Variants in COX7B2 observed in about 807,000 individuals in gnomAD.
COX7B2 encodes cytochrome c oxidase subunit 7B2, mitochondrial.
For missense variants in COX7B2, 109 were observed against 95.9 expected (o/e 1.14, Z -0.57); for synonymous variants, 37 against 32.1 (o/e 1.15, Z -0.51).
In COX7B2 at chr4:46,770,270, T is replaced by C. The variant is rs561749310; in HGVS notation, c.-49-35029A>G. Among the ~76,000 whole-genome samples the C allele has an allele frequency of 2.0e-4, 31 of 152,232 alleles. No homozygotes were observed. The South Asian group carries it at 6.2e-3, about 31-fold the overall frequency. On this transcript the variant is annotated intron_variant, in intron 2 of 2. Coordinates refer to ENST00000355591, the MANE Select transcript of COX7B2 (RefSeq NM_130902.3). Reference sequence around the variant, plus strand: ...ATAGCATCAAAAATAAATAAATACTTAGAAATAAATTTAACCAAGGATGTT... The same window carrying C: ...ATAGCATCAAAAATAAATAAATACTCAGAAATAAATTTAACCAAGGATGTT...
At chr4:46,808,438 T>G (rs1353498914) in intron 2 of COX7B2, among the ~76,000 whole-genome samples, 1 of 151,844 alleles carries the variant, frequency 6.6e-6, no homozygotes, top group Non-Finnish European at 1.5e-5. Context: ...GAATTCTGGT[T>G]TTTTTACATA....
intron 2 of COX7B2, among the ~76,000 whole-genome samples, chr4:46,840,321 C>T (rs1469900834): frequency 6.6e-6 from 1 of 151,912 alleles, no homozygotes; most frequent in African/African-American, 2.4e-5. Flanking sequence ...ATCTTTCATA[C>T]CAACAAGGAG....
At chr4:46,841,210 A>G (rs1715901701) in intron 2 of COX7B2, among the ~76,000 whole-genome samples, 1 of 151,936 alleles carries the variant, frequency 6.6e-6, no homozygotes, top group Non-Finnish European at 1.5e-5. Flanking sequence ...AGGAGTAAAA[A>G]TGGAGAGGTG....
intron 2 of COX7B2, among the ~76,000 whole-genome samples, chr4:46,796,279 G>T (rs531461803): frequency 7.2e-6 from 1 of 139,530 alleles, no homozygotes; most frequent in South Asian, 2.3e-4. Flanking sequence ...GTCTTGTGCC[G>T]GTTTTCAAAG....
chr4:46,849,349 T>C (rs1221187600), intron 1 of COX7B2, among the ~76,000 whole-genome samples: 1 of 152,144 alleles, frequency 6.6e-6, no homozygotes, highest in Non-Finnish European at 1.5e-5. Flanking sequence ...CAGAGAAATA[T>C]AAGATTAGAT....
At chr4:46,856,935 G>T (rs1717040155) in intron 1 of COX7B2, among the ~76,000 whole-genome samples, 1 of 152,064 alleles carries the variant, frequency 6.6e-6, no homozygotes, top group South Asian at 2.1e-4. Flanking sequence ...AAAATAATTG[G>T]GCAATAGAGA....
At chr4:46,849,186 A>C (rs908456213) in intron 1 of COX7B2, among the ~76,000 whole-genome samples, 1 of 152,058 alleles carries the variant, frequency 6.6e-6, no homozygotes, top group African/African-American at 2.4e-5. Flanking sequence ...TGCAAGTGCT[A>C]GTAATACAAC....
intron 1 of COX7B2, among the ~76,000 whole-genome samples, chr4:46,853,646 C>T (rs1281111291): frequency 1.3e-5 from 2 of 151,896 alleles, no homozygotes; most frequent in South Asian, 2.1e-4. Flanking sequence ...ATTTGTAATA[C>T]AATTAGGCTT....
intron 2 of COX7B2, among the ~76,000 whole-genome samples, chr4:46,788,357 T>C (rs572706075): frequency 6.6e-6 from 1 of 152,288 alleles, no homozygotes; most frequent in South Asian, 2.1e-4. Context: ...ACTAAGATTA[T>C]CCAAGGAAAA....
At chr4:46,882,950 C>T (rs1036717622) in intron 1 of COX7B2, among the ~76,000 whole-genome samples, 1 of 152,080 alleles carries the variant, frequency 6.6e-6, no homozygotes, top group Non-Finnish European at 1.5e-5. Context: ...GGGAAAGAGA[C>T]TTAATTTCAC....
chr4:46,882,491 A>T (rs79254670), intron 1 of COX7B2, among the ~76,000 whole-genome samples: 4,591 of 152,290 alleles, frequency 0.03, 83 homozygotes, highest in Middle Eastern at 0.11. Flanking sequence ...TCGCATGCAT[A>T]CATATTTAGC....
intron 2 of COX7B2, among the ~76,000 whole-genome samples, chr4:46,769,029 A>G (rs62305172): frequency 0.15 from 22,862 of 151,946 alleles, 2,209 homozygotes; most frequent in Admixed American, 0.3. Context: ...ATCTGAATGG[A>G]CCCTCCCAAT....
chr4:46,759,587 A>G (rs1008341201), intron 2 of COX7B2, among the ~76,000 whole-genome samples: 3 of 152,028 alleles, frequency 2.0e-5, no homozygotes, highest in African/African-American at 4.8e-5. Context: ...CAACAAACAT[A>G]TGAAAAAAAG....
intron 2 of COX7B2, among the ~76,000 whole-genome samples, chr4:46,769,902 G>A (rs1716773998): frequency 6.6e-6 from 1 of 152,154 alleles, no homozygotes; most frequent in Non-Finnish European, 1.5e-5. Context: ...CAGTGATGCA[G>A]TGATGAGAAG....
At chr4:46,783,983 C>T (rs1717616834) in intron 2 of COX7B2, among the ~76,000 whole-genome samples, 1 of 152,184 alleles carries the variant, frequency 6.6e-6, no homozygotes, top group Non-Finnish European at 1.5e-5. Flanking sequence ...GGGACAGTAT[C>T]ATGAACTTAT....
chr4:46,805,912 G>T (rs1718973225), intron 2 of COX7B2, among the ~76,000 whole-genome samples: 1 of 152,110 alleles, frequency 6.6e-6, no homozygotes, highest in Non-Finnish European at 1.5e-5. Flanking sequence ...TATCTTGAAT[G>T]TCCTTAGAAA....
rs561221308 is a variant in COX7B2, at chr4:46,810,311, C to G, written c.-50+34649G>C. Among the ~76,000 whole-genome samples, 270 of 152,022 alleles carry G rather than the reference C, an allele frequency of 1.8e-3. 1 individual carries two copies. Among genetic ancestry groups the G allele is most frequent in the African/African-American group, 6.0e-3 (251 of 41,528 alleles). ...ATAGGGACTTGCTACTGCCATTTTGCTATTTGTTCTCTGCTTCTTTTGTAG... is the reference window on the plus strand; with the variant it reads ...ATAGGGACTTGCTACTGCCATTTTGGTATTTGTTCTCTGCTTCTTTTGTAG... On this transcript the variant is annotated intron_variant, in intron 2 of 2. Coordinates refer to ENST00000355591, the MANE Select transcript of COX7B2 (RefSeq NM_130902.3).
At chr4:46,779,229 T>C (rs1473013287) in intron 2 of COX7B2, among the ~76,000 whole-genome samples, 3 of 152,190 alleles carry the variant, frequency 2.0e-5, no homozygotes, top group Non-Finnish European at 4.4e-5. Flanking sequence ...AAATCACACA[T>C]TGAGAATCTA....
intron 2 of COX7B2, among the ~76,000 whole-genome samples, chr4:46,754,208 A>C (rs1285545023): frequency 5.3e-5 from 8 of 152,002 alleles, no homozygotes; most frequent in Non-Finnish European, 8.8e-5. Context: ...CCATCCCATT[A>C]CTAGGTATAT....
Sources: gnomAD v4.1 joint callset for allele counts (sites outside exome capture counted in the v4.1 genomes callset) on GRCh38, gnomAD v4.1.1 for gene constraint, MANE v1.5 for transcripts, NCBI Gene and HGNC (gene_info 2026-07-23, HGNC 2026-07-21) for gene names.